The following CSMD1 variants were observed in gnomAD, a reference collection of about 807,000 sequenced individuals.
CSMD1 encodes CUB and Sushi multiple domains 1.
In CSMD1, 213 loss-of-function variants were observed where a neutral mutation model predicts 417.5. That is an observed-to-expected ratio of 0.51 (90% CI 0.46 to 0.57). The LOEUF (loss-of-function observed/expected upper bound fraction) is 0.57. CSMD1 is among the 20% of genes least tolerant of loss of function. CSMD1 has a pLI of 0.00. For synonymous variants in CSMD1, 2,862 were observed against 1,736.8 expected, an observed-to-expected ratio of 1.65 and a Z score of -16.11; for missense variants, 6,923 against 4,529.7, an observed-to-expected ratio of 1.53 and a Z score of -15.17.
At chr8:3,652,858 A>T (rs1399678395) in intron 7 of CSMD1, among the ~76,000 whole-genome samples, 1 of 152,200 alleles carries the variant, frequency 6.6e-6, no homozygotes, top group African/African-American at 2.4e-5. Context: ...AGAACCTAGA[A>T]CAGAGGGTGC....
chr8:3,388,555 A>T (rs1304215118), intron 17 of CSMD1, among the ~76,000 whole-genome samples: 1 of 152,212 alleles, frequency 6.6e-6, no homozygotes, highest in Non-Finnish European at 1.5e-5. Context: ...TCTAATTTAA[A>T]GACTGTTTAG....
chr8:4,663,131 A>C (rs954107136), intron 1 of CSMD1, among the ~76,000 whole-genome samples: 2 of 152,138 alleles, frequency 1.3e-5, no homozygotes. Context: ...CGCCACGGAG[A>C]AGGGATCTGT....
intron 3 of CSMD1, among the ~76,000 whole-genome samples, chr8:4,192,943 G>A (rs891614677): frequency 1.3e-5 from 2 of 152,084 alleles, no homozygotes; most frequent in South Asian, 2.1e-4. Context: ...TCTGTACGTG[G>A]TGCTACCCTT....
chr8:3,256,103 C>T (rs1320227746), intron 26 of CSMD1, among the ~76,000 whole-genome samples: 2 of 151,784 alleles, frequency 1.3e-5, no homozygotes, highest in Non-Finnish European at 2.9e-5. Flanking sequence ...TGAGGCAGAC[C>T]AATCACCTGA....
chr8:4,034,254 T>A, intron 3 of CSMD1, among the ~76,000 whole-genome samples: 1 of 152,196 alleles, frequency 6.6e-6, no homozygotes, highest in East Asian at 1.9e-4. Context: ...TATATAGAAA[T>A]ATTTAGGAAA....
chr8:4,811,126 AT>A (rs1409882291), intron 1 of CSMD1, among the ~76,000 whole-genome samples: 1 of 152,212 alleles, frequency 6.6e-6, no homozygotes, highest in African/African-American at 2.4e-5. Flanking sequence ...CAACACATAA[AT>A]GATCAAGTGA....
intron 52 of CSMD1, among the ~76,000 whole-genome samples, chr8:3,002,165 A>G (rs1807459915): frequency 6.6e-6 from 1 of 152,154 alleles, no homozygotes; most frequent in Non-Finnish European, 1.5e-5. Flanking sequence ...ACTCCCACAT[A>G]TGAGACTTGA....
intron 3 of CSMD1, among the ~76,000 whole-genome samples, chr8:4,051,345 C>A (rs1323291182): frequency 2.0e-5 from 3 of 150,790 alleles, no homozygotes; most frequent in Admixed American, 2.0e-4. Context: ...TAAAGCCAGA[C>A]TCGGCAGCTT....
At chr8:3,598,976 G>A (rs189854188) in intron 8 of CSMD1, among the ~76,000 whole-genome samples, 24 of 152,132 alleles carry the variant, frequency 1.6e-4, no homozygotes, top group Admixed American at 1.6e-3. Context: ...AGCTACTCAG[G>A]AGGCTGAGAG....
intron 5 of CSMD1, among the ~76,000 whole-genome samples, chr8:3,974,541 T>A (rs1358929425): frequency 1.3e-5 from 2 of 152,052 alleles, no homozygotes; most frequent in African/African-American, 4.8e-5. Context: ...TTTAGTTGTC[T>A]CAAAATATTT....
intron 39 of CSMD1, among the ~76,000 whole-genome samples, chr8:3,151,724 C>T (rs1001551219): frequency 6.6e-6 from 1 of 152,164 alleles, no homozygotes; most frequent in Non-Finnish European, 1.5e-5. Flanking sequence ...GAATAAAGAC[C>T]ATTTTTCAAG....
intron 1 of CSMD1, among the ~76,000 whole-genome samples, chr8:4,978,121 A>G (rs1459741319): frequency 1.3e-5 from 2 of 152,220 alleles, no homozygotes; most frequent in Non-Finnish European, 2.9e-5. Flanking sequence ...AGCCTATTCC[A>G]AAGGTCTCAG....
At chr8:4,276,696 G>T (rs1231492363) in intron 3 of CSMD1, among the ~76,000 whole-genome samples, 3 of 152,150 alleles carry the variant, frequency 2.0e-5, no homozygotes, top group African/African-American at 7.2e-5. Flanking sequence ...GAAGTCTTTA[G>T]TTCCAGTGGG....
At chr8:3,039,359 C>CCTCCCT (rs1810922086) in intron 50 of CSMD1, among the ~76,000 whole-genome samples, 24 of 146,664 alleles carry the variant, frequency 1.6e-4, no homozygotes, top group African/African-American at 5.8e-4. Context: ...TCCTTCCTTC[C>CCTCCCT]TCCTTTACTT....
At chr8:3,304,075 A>G (rs17079834) in intron 25 of CSMD1, among the ~76,000 whole-genome samples, 8,774 of 152,192 alleles carry the variant, frequency 0.058, 813 homozygotes, top group African/African-American at 0.2. Context: ...AAAGTAAAAT[A>G]TTGAAACCAG....
intron 3 of CSMD1, among the ~76,000 whole-genome samples, chr8:4,356,965 CTT>C (rs1801466483): frequency 1.3e-5 from 2 of 152,264 alleles, no homozygotes; most frequent in South Asian, 4.1e-4. Flanking sequence ...AACTGAAAGA[CTT>C]TGCAGCTATG....
At chr8:3,588,035 C>A (rs763787195) in intron 8 of CSMD1, among the ~76,000 whole-genome samples, 18 of 151,984 alleles carry the variant, frequency 1.2e-4, no homozygotes, top group Non-Finnish European at 2.1e-4. Flanking sequence ...CTGCCGCCAT[C>A]GTTTTTGATC....
In CSMD1 at chr8:3,665,907, G is replaced by A. The variant is rs745940972; in HGVS notation, c.1009+42507C>T. Among the ~76,000 whole-genome samples the A allele has an allele frequency of 5.3e-5, 8 of 152,006 alleles. No individual in the cohort carries two copies. The South Asian group carries it at 6.2e-4, about 12-fold the overall frequency. On this transcript the variant is annotated intron_variant, in intron 7 of 69. Coordinates refer to ENST00000635120, the MANE Select transcript of CSMD1 (RefSeq NM_033225.6). Reference sequence around the variant, plus strand: ...TGTTTTGTTTTTTTGAGATGGAGTCGCACTCTGTCACCCAGGCTGGAGTGC... The same window carrying A: ...TGTTTTGTTTTTTTGAGATGGAGTCACACTCTGTCACCCAGGCTGGAGTGC...
At chr8:4,941,626 C>G (rs376970837) in intron 1 of CSMD1, among the ~76,000 whole-genome samples, 2 of 150,142 alleles carry the variant, frequency 1.3e-5, no homozygotes, top group East Asian at 3.9e-4. Flanking sequence ...TGAGACAGAG[C>G]CTTGCACTGT....
Sources: gnomAD v4.1 joint callset for allele counts (sites outside exome capture counted in the v4.1 genomes callset) on GRCh38, gnomAD v4.1.1 for gene constraint, MANE v1.5 for transcripts, NCBI Gene and HGNC (gene_info 2026-07-23, HGNC 2026-07-21) for gene names.